The following FBXO9 variants were observed in gnomAD, a reference collection of about 807,000 sequenced individuals.
FBXO9 encodes the protein F-box only protein 9.
Under a neutral mutation model 63.7 loss-of-function variants are expected in FBXO9, and 43 were observed. The ratio of observed to expected loss-of-function variants is 0.67; its 90% CI spans 0.53 to 0.87. The LOEUF is 0.87. FBXO9 is among the 40% of genes least tolerant of loss of function. The pLI is 0.00. For missense variants in FBXO9, 442 were observed against 533.2 expected (o/e 0.83, Z 1.68); for synonymous variants, 156 against 171.7 (o/e 0.91, Z 0.72).
In FBXO9 at chr6:53,100,100, T is replaced by A. The variant is rs889403137; in HGVS notation, c.*2270T>A. ...TGGAAAAAGTAACTTTTTTCCAGAT[T>A]ACATTTTCTGTATATTTGTAAAATG... is the stretch of plus-strand genomic sequence containing the variant. On this transcript the variant is annotated 3_prime_UTR_variant, in exon 13 of 13. Transcript: ENST00000323557. The A allele has an allele frequency of 2.6e-5, 4 of 152,220 alleles. No individual in the cohort carries two copies. The highest frequency in any genetic ancestry group is 2.1e-4 in the South Asian group (1 of 4,834). The allele number at this position is 152,220 out of a possible 1,614,324, so 9.4% of individuals were successfully genotyped here. A position where few individuals can be genotyped will look rare whatever the true frequency, so the allele number is the denominator to read the frequency against.
Position 53,069,275 on chromosome 6 carries a change from T to A in FBXO9, c.4-1782T>A, listed in dbSNP as rs2099654865. Among the ~76,000 whole-genome samples the A allele has an allele frequency of 2.0e-5, 3 of 152,252 alleles. No individual in the cohort carries two copies. The South Asian group carries it at 6.2e-4, about 31-fold the overall frequency. ...AAAAAAATTCAAGTATCAAGTTATA[T>A]CTGATTGGTATCATTAAACTTACCT... On this transcript the variant is annotated intron_variant, in intron 1 of 12. Coordinates refer to ENST00000323557, the MANE Select transcript of FBXO9 (RefSeq NM_033480.3).
chr6:53,073,740 A>T, intron 3 of FBXO9, 101 bp downstream of exon 3: 1 of 931,688 alleles, frequency 1.1e-6, no homozygotes, highest in East Asian at 2.6e-5. Flanking sequence ...GACTTTCGGG[A>T]CATAAACACA....
At chr6:53,073,313 TTAA>T (rs1303529363) in intron 2 of FBXO9, among the ~76,000 whole-genome samples, 165 bp from the exon 3 acceptor site, 1 of 152,246 alleles carries the variant, frequency 6.6e-6, no homozygotes, top group African/African-American at 2.4e-5. Flanking sequence ...GAAAATTATT[TTAA>T]AAGATGTATT....
At chr6:53,070,666 A>G (rs1768880678) in intron 1 of FBXO9, among the ~76,000 whole-genome samples, 1 of 152,220 alleles carries the variant, frequency 6.6e-6, no homozygotes, top group Admixed American at 6.5e-5. Flanking sequence ...TTATATGCAA[A>G]TATGCCATAT....
At chr6:53,074,194 C>A (rs1457766364) in intron 3 of FBXO9, among the ~76,000 whole-genome samples, 2 of 148,638 alleles carry the variant, frequency 1.3e-5, no homozygotes, top group Admixed American at 6.9e-5. Flanking sequence ...CTTACTCACA[C>A]AGAGTAGGCA....
rs1201626837 is a variant in FBXO9, at chr6:53,082,625, AGTTTTT to A, written c.653+20_653+25del. 4 of 1,597,932 alleles carry A rather than the reference AGTTTTT, an allele frequency of 2.5e-6. No individual in the cohort carries two copies. The African/African-American group carries it at 5.4e-5, about 22-fold the overall frequency. ...GATTCTACATCTGTGCCAGGTACTAAGTTTTTGTTTTTGTTTTTTAAACAACTGAGG... is the reference window on the plus strand; with the variant it reads ...GATTCTACATCTGTGCCAGGTACTAAGTTTTTGTTTTTTAAACAACTGAGG... On this transcript the variant is annotated splice_region_variant and intron_variant, in intron 7 of 12. Transcript: ENST00000323557.
chr6:53,097,896 A>G lies in FBXO9; in HGVS notation c.*66A>G, dbSNP rs1763254855. On this transcript the variant is annotated 3_prime_UTR_variant, in exon 13 of 13. Transcript: ENST00000323557. The stretch of plus-strand genomic sequence containing the variant: ...AGTATATAGCGCAAAAGAGCACCTA[A>G]GTTATAAATGTGTGTGTGTGCGTGT... The G allele has an allele frequency of 1.9e-6, 1 of 529,632 alleles. No homozygotes were observed. Among genetic ancestry groups the G allele is most frequent in the African/African-American group, 2.3e-5 (1 of 44,198 alleles). The allele number at this position is 529,632 out of a possible 1,614,324, so 32.8% of individuals were successfully genotyped here.
In FBXO9 at chr6:53,078,901, G is replaced by A; in HGVS notation, c.407+3G>A. ...GGTGATGGCGTTGGAAACAGCTAGT[G>A]CGTATATAATTTGATAGATAGTAAT... On this transcript the variant is annotated splice_donor_region_variant and intron_variant, in intron 5 of 12. Transcript: ENST00000323557. 3.1e-6 allele frequency: 5 copies of A among 1,607,906 alleles called. No individual in the cohort carries two copies. Among genetic ancestry groups the A allele is most frequent in the Non-Finnish European group, 4.3e-6 (5 of 1,174,390 alleles).
At chr6:53,088,331 G>C (rs1255304564) in intron 7 of FBXO9, among the ~76,000 whole-genome samples, 1 of 152,174 alleles carries the variant, frequency 6.6e-6, no homozygotes, top group East Asian at 1.9e-4. Flanking sequence ...ATATTCTATA[G>C]TTGCAGGTTT....
chr6:53,068,653 T>TG (rs1562061669), intron 1 of FBXO9, among the ~76,000 whole-genome samples: 3 of 75,994 alleles, frequency 3.9e-5, no homozygotes, highest in South Asian at 7.3e-4. Context: ...TATATATATG[T>TG]GTTTTTTTTT....
chr6:53,097,709 T>C lies in FBXO9; in HGVS notation c.1206-13T>C, dbSNP rs549829851. On this transcript the variant is annotated splice_polypyrimidine_tract_variant and intron_variant, in intron 12 of 12. Coordinates refer to ENST00000323557, the MANE Select transcript of FBXO9 (RefSeq NM_033480.3). ...TTTCCTCATACTAGTAATTTTGTGCTTTTTTTTTACAGATCAACTGGTGAG... is the reference window on the plus strand; with the variant it reads ...TTTCCTCATACTAGTAATTTTGTGCCTTTTTTTTACAGATCAACTGGTGAG... 7.9e-6 allele frequency: 11 copies of C among 1,393,970 alleles called. No homozygotes were observed. The highest frequency in any genetic ancestry group is 9.8e-6 in the Non-Finnish European group (10 of 1,021,028). 86.4% of individuals were successfully genotyped at this position (1,393,970 alleles called of 1,614,324 possible). A position where few individuals can be genotyped will look rare whatever the true frequency, so the allele number is the denominator to read the frequency against.
chr6:53,092,230 C>G, intron 7 of FBXO9, 199 bp from the exon 8 acceptor site: 1 of 515,424 alleles, frequency 1.9e-6, no homozygotes, highest in Non-Finnish European at 3.5e-6. Context: ...ACTAAGCGTA[C>G]TACCAGAAGC....
intron 10 of FBXO9, 26 bp from the exon 11 acceptor site, chr6:53,093,859 G>A (rs1479385493): frequency 6.8e-7 from 1 of 1,460,084 alleles, no homozygotes; most frequent in Non-Finnish European, 9.3e-7. Context: ...AACTGATTTA[G>A]ATTCAATTTG....
chr6:53,098,262 C>T lies in FBXO9; in HGVS notation c.*432C>T, dbSNP rs191027441. ...TCCACTGGATAAGCATTTTATTTCCCGCATGGCATAATGTTTTTGCACTAA... is the reference window on the plus strand; with the variant it reads ...TCCACTGGATAAGCATTTTATTTCCTGCATGGCATAATGTTTTTGCACTAA... On this transcript the variant is annotated 3_prime_UTR_variant, in exon 13 of 13. Coordinates refer to ENST00000323557, the MANE Select transcript of FBXO9 (RefSeq NM_033480.3). The T allele has an allele frequency of 2.6e-4, 66 of 253,178 alleles. No homozygotes were observed. The highest frequency in any genetic ancestry group is 1.4e-3 in the African/African-American group (61 of 43,912). 15.7% of individuals were successfully genotyped at this position (253,178 alleles called of 1,614,324 possible).
chr6:53,089,100 G>A (rs908735938), intron 7 of FBXO9, among the ~76,000 whole-genome samples: 1 of 150,250 alleles, frequency 6.7e-6, no homozygotes, highest in African/African-American at 2.4e-5. Context: ...TCCAGGCGGA[G>A]TGTCGCTCTG....
intron 7 of FBXO9, 155 bp from the exon 8 acceptor site, chr6:53,092,274 G>A (rs1239637963): frequency 1.7e-6 from 1 of 589,126 alleles, no homozygotes; most frequent in Non-Finnish European, 3.0e-6. Context: ...CAGTAAAAGA[G>A]CAGGGCCTTT....
At chr6:53,086,387 G>C (rs2744449) in intron 7 of FBXO9, among the ~76,000 whole-genome samples, 142,309 of 152,298 alleles carry the variant, frequency 0.93, 66,594 homozygotes, top group East Asian at 1. Context: ...CTCAGTTTTC[G>C]TAAGTAACCA....
At chr6:53,072,953 C>A (rs565404381) in intron 2 of FBXO9, among the ~76,000 whole-genome samples, 12 of 152,282 alleles carry the variant, frequency 7.9e-5, no homozygotes, top group African/African-American at 2.4e-4. Context: ...GAACTCCTGA[C>A]CTCAGGTGAT....
At chr6:53,092,229 A>G (rs1402785034) in intron 7 of FBXO9, 200 bp from the exon 8 acceptor site, 4 of 515,376 alleles carry the variant, frequency 7.8e-6, no homozygotes, top group Non-Finnish European at 1.4e-5. Flanking sequence ...CACTAAGCGT[A>G]CTACCAGAAG....
Sources: allele counts gnomAD v4.1 joint callset (sites outside exome capture counted in the v4.1 genomes callset), GRCh38; gene constraint gnomAD v4.1.1; transcripts MANE v1.5; gene names NCBI Gene and HGNC (gene_info 2026-07-23, HGNC 2026-07-21).